Variants in TCERG1L observed in about 807,000 individuals in gnomAD.
TCERG1L encodes the protein transcription elongation regulator 1-like protein.
A neutral mutation model predicts 56.3 loss-of-function variants in TCERG1L; 37 were observed. That is an observed-to-expected ratio of 0.66 (90% CI 0.51 to 0.87). The LOEUF (loss-of-function observed/expected upper bound fraction) is 0.87, where lower values mean the gene tolerates loss of function less well. TCERG1L is among the 40% of genes least tolerant of loss of function. The pLI, the probability that TCERG1L is intolerant of heterozygous loss-of-function variation, is 0.00. For missense variants in TCERG1L, 799 were observed against 774.2 expected (o/e 1.03, Z -0.38); for synonymous variants, 324 against 326.3 (o/e 0.99, Z 0.08).
intron 4 of TCERG1L, among the ~76,000 whole-genome samples, chr10:131,249,656 C>T (rs1202383689): frequency 6.6e-6 from 1 of 152,200 alleles, no homozygotes; most frequent in Non-Finnish European, 1.5e-5. Context: ...CTTGTGCAAA[C>T]TTTCAAAATA....
At chr10:131,302,872 G>A (rs1427426748) in intron 3 of TCERG1L, among the ~76,000 whole-genome samples, 1 of 151,920 alleles carries the variant, frequency 6.6e-6, no homozygotes, top group Non-Finnish European at 1.5e-5. Flanking sequence ...GTGAGAACAT[G>A]TGGTTTTTGG....
intron 1 of TCERG1L, among the ~76,000 whole-genome samples, chr10:131,310,832 A>G (rs1393689512): frequency 6.6e-6 from 1 of 152,184 alleles, no homozygotes; most frequent in Admixed American, 6.5e-5. Context: ...TGAAAGGGGG[A>G]AAAACCCAAA....
At chr10:131,230,353 C>T (rs1471182757) in intron 4 of TCERG1L, among the ~76,000 whole-genome samples, 5 of 152,242 alleles carry the variant, frequency 3.3e-5, no homozygotes, top group African/African-American at 1.2e-4. Flanking sequence ...CCCAGCTTTC[C>T]CGTGGCCCCT....
intron 4 of TCERG1L, among the ~76,000 whole-genome samples, chr10:131,189,747 A>G (rs1047019829): frequency 1.3e-5 from 2 of 152,158 alleles, no homozygotes; most frequent in Non-Finnish European, 2.9e-5. Flanking sequence ...TCTTTGAGAA[A>G]TCTCCATGCT....
chr10:131,282,156 A>G (rs1003378183), intron 3 of TCERG1L, among the ~76,000 whole-genome samples: 5 of 151,358 alleles, frequency 3.3e-5, no homozygotes, highest in South Asian at 2.1e-4. Flanking sequence ...AAAAAAAAAA[A>G]AAAAAGAAAA....
intron 3 of TCERG1L, among the ~76,000 whole-genome samples, chr10:131,295,131 A>G (rs1846676653): frequency 6.6e-6 from 1 of 152,156 alleles, no homozygotes; most frequent in Non-Finnish European, 1.5e-5. Context: ...TTTGGGATCC[A>G]CTCACATCAT....
intron 3 of TCERG1L, among the ~76,000 whole-genome samples, chr10:131,291,315 A>G (rs1015760731): frequency 6.8e-6 from 1 of 146,060 alleles, no homozygotes; most frequent in African/African-American, 2.5e-5. Flanking sequence ...TATTTCATAT[A>G]TATCTGTCTG....
chr10:131,208,823 C>T (rs1039725587), intron 4 of TCERG1L, among the ~76,000 whole-genome samples: 4 of 152,046 alleles, frequency 2.6e-5, no homozygotes, highest in East Asian at 3.9e-4. Flanking sequence ...TTTGGGAGAC[C>T]GAGGCGGACG....
chr10:131,094,288 T>C (rs1004852203), intron 11 of TCERG1L, among the ~76,000 whole-genome samples: 2 of 152,232 alleles, frequency 1.3e-5, no homozygotes, highest in Non-Finnish European at 2.9e-5. Context: ...GCCTGGGCAG[T>C]GTGCTCTGGG....
intron 9 of TCERG1L, among the ~76,000 whole-genome samples, chr10:131,113,040 G>T (rs745661771): frequency 1.4e-5 from 2 of 142,696 alleles, no homozygotes; most frequent in Non-Finnish European, 3.2e-5. Context: ...GGCTGGGCCT[G>T]CAGGCAAGGC....
At chr10:131,163,049 T>C (rs1367438162) in intron 6 of TCERG1L, 73 bp downstream of exon 6, 7 of 1,206,608 alleles carry the variant, frequency 5.8e-6, no homozygotes, top group Non-Finnish European at 6.8e-6. Flanking sequence ...CAGTGTCTCT[T>C]TGGTGACATC....
intron 9 of TCERG1L, 106 bp from the exon 10 acceptor site, chr10:131,104,460 T>C: frequency 2.7e-6 from 2 of 734,536 alleles, no homozygotes; most frequent in Non-Finnish European, 2.3e-6. Context: ...AAAACCAGCA[T>C]TAAAGTACAA....
intron 6 of TCERG1L, among the ~76,000 whole-genome samples, chr10:131,150,300 C>T (rs971681179): frequency 1.0e-4 from 3 of 29,486 alleles, no homozygotes; most frequent in Non-Finnish European, 4.1e-4. Flanking sequence ...TCTAGAGTCA[C>T]TGAAGTGTGG....
At position 131,260,573 on chromosome 10, in the gene TCERG1L, G is replaced by A. The variant is rs1010183861; in HGVS notation, c.671-129C>T. ...AGGGGGGCGCTACCCCTCTTTAATGGAGGCCCACAGTATGTGCCACCGTCC... is the reference window on the plus strand; with the variant it reads ...AGGGGGGCGCTACCCCTCTTTAATGAAGGCCCACAGTATGTGCCACCGTCC... On this transcript the variant is annotated intron_variant, in intron 3 of 11. Coordinates refer to ENST00000368642, the MANE Select transcript of TCERG1L (RefSeq NM_174937.4). The surrounding 1 kb of genome is among the most constrained non-coding windows in gnomAD (Gnocchi z 5.8). 31 of 1,152,034 alleles carry A rather than the reference G, an allele frequency of 2.7e-5. No homozygotes were observed. The highest frequency in any genetic ancestry group is 3.1e-4 in the Middle Eastern group (1 of 3,188). 71.4% of individuals were successfully genotyped at this position (1,152,034 alleles called of 1,614,324 possible).
rs1292948058 is a variant in TCERG1L at position 131,163,150 on chromosome 10, C to G, written c.1006G>C (p.Ala336Pro). 9 of 1,580,018 alleles carry G rather than the reference C, an allele frequency of 5.7e-6. No individual in the cohort carries two copies. The highest frequency in any genetic ancestry group is 7.7e-6 in the Non-Finnish European group (9 of 1,162,218). The change falls in exon 6 of 12, where the codon GCC (alanine) becomes CCC (proline). Residue 336 changes from alanine (A) to proline (P), a missense_variant. By Grantham distance (27) the Ala-to-Pro change is conservative (BLOSUM62 -1). Coordinates refer to ENST00000368642, the MANE Select transcript of TCERG1L (RefSeq NM_174937.4). ...GGGGATCCGGGCACCGGGGTGGAGG[C>G]CACTGGCCTGTTGCCTCTGGCTGTG... ...DSTARGNRPV[A>P]STPVPGSPWC... is the part of the protein sequence containing the mutation.
At chr10:131,168,792 A>C (rs1177624048) in intron 4 of TCERG1L, among the ~76,000 whole-genome samples, 1 of 150,218 alleles carries the variant, frequency 6.7e-6, no homozygotes, top group Non-Finnish European at 1.5e-5. Context: ...CGTCATTGCC[A>C]CTTTACGAGG....
At chr10:131,155,754 A>G (rs561034045) in intron 6 of TCERG1L, among the ~76,000 whole-genome samples, 6 of 152,118 alleles carry the variant, frequency 3.9e-5, no homozygotes, top group Admixed American at 2.0e-4. Context: ...GACCAGAGAA[A>G]ATCAGCTCAG....
At chr10:131,220,869 G>T (rs977615510) in intron 4 of TCERG1L, among the ~76,000 whole-genome samples, 1 of 152,218 alleles carries the variant, frequency 6.6e-6, no homozygotes, top group South Asian at 2.1e-4. Flanking sequence ...TGCCCAGTCC[G>T]CCATGCCCTC....
At chr10:131,297,130 GT>G (rs1846703259) in intron 3 of TCERG1L, among the ~76,000 whole-genome samples, 2 of 152,030 alleles carry the variant, frequency 1.3e-5, no homozygotes, top group Admixed American at 1.3e-4. Context: ...TCCTTGCCTT[GT>G]TTTTCATCTT....
Sources: gnomAD v4.1 joint callset for allele counts (sites outside exome capture counted in the v4.1 genomes callset) on GRCh38, gnomAD v4.1.1 for gene constraint, Gnocchi (gnomAD v3.1) non-coding constraint, MANE v1.5 for transcripts, NCBI Gene and HGNC (gene_info 2026-07-23, HGNC 2026-07-21) for gene names.